The following MMP26 variants were observed in gnomAD, a reference collection of about 807,000 sequenced individuals.
MMP26 encodes matrix metallopeptidase 26.
MMP26 carries 33 observed loss-of-function variants against 31.0 expected under a neutral mutation model. The ratio of observed to expected loss-of-function variants is 1.06; its 90% CI spans 0.81 to 1.42. MMP26 has a LOEUF of 1.42. Among genes scored for constraint, MMP26 ranks in the 40% most tolerant of loss-of-function variants. The probability of loss-of-function intolerance (pLI) is 0.00; values close to 1 mark genes in which losing one functional copy is unlikely to be tolerated. For synonymous variants in MMP26, 122 were observed against 114.9 expected, an observed-to-expected ratio of 1.06 and a Z score of -0.40; for missense variants, 347 against 316.1, an observed-to-expected ratio of 1.10 and a Z score of -0.74.
intron 2 of MMP26, among the ~76,000 whole-genome samples, chr11:4,843,872 T>C (rs1310534118): frequency 6.6e-6 from 1 of 152,190 alleles, no homozygotes; most frequent in African/African-American, 2.4e-5. Flanking sequence ...AAGCTCTTTG[T>C]TCATGCATAT....
intron 2 of MMP26, chr11:4,907,948 G>A: frequency 6.2e-7 from 1 of 1,614,106 alleles, no homozygotes; most frequent in Non-Finnish European, 8.5e-7. Flanking sequence ...CTGACAACAA[G>A]ACCAATGTCA....
intron 2 of MMP26, among the ~76,000 whole-genome samples, chr11:4,935,872 A>G (rs1362498397): frequency 3.3e-5 from 5 of 149,982 alleles, no homozygotes; most frequent in Non-Finnish European, 7.4e-5. Flanking sequence ...TATATGCTGG[A>G]TTACATTTAT....
At chr11:4,851,246 A>AAACC (rs1849971619) in intron 2 of MMP26, among the ~76,000 whole-genome samples, 1 of 152,296 alleles carries the variant, frequency 6.6e-6, no homozygotes, top group Admixed American at 6.5e-5. Context: ...TCAGATAAGG[A>AAACC]AACCCCACAG....
At chr11:4,903,651 C>T (rs1233044829) in intron 2 of MMP26, 1 of 152,060 alleles carries the variant, frequency 6.6e-6, no homozygotes, top group African/African-American at 2.4e-5. Flanking sequence ...GTACCAGCCC[C>T]AGGCCTAACC....
chr11:4,823,597 C>T (rs1849540835), intron 2 of MMP26, among the ~76,000 whole-genome samples: 1 of 152,092 alleles, frequency 6.6e-6, no homozygotes, highest in African/African-American at 2.4e-5. Flanking sequence ...ACGAAATCCC[C>T]CATGAGGCCA....
intron 2 of MMP26, among the ~76,000 whole-genome samples, chr11:4,873,046 T>C (rs1850331826): frequency 6.6e-6 from 1 of 152,090 alleles, no homozygotes; most frequent in Admixed American, 6.6e-5. Flanking sequence ...ATGCTTCTTT[T>C]TGTCCTCTGA....
At chr11:4,830,972 G>T (rs952704584) in intron 2 of MMP26, among the ~76,000 whole-genome samples, 1 of 152,188 alleles carries the variant, frequency 6.6e-6, no homozygotes, top group Non-Finnish European at 1.5e-5. Context: ...TGGCATCTAT[G>T]TTATGGGATG....
intron 1 of MMP26, among the ~76,000 whole-genome samples, chr11:4,741,723 T>C (rs79630765): frequency 0.014 from 2,124 of 152,190 alleles, 48 homozygotes; most frequent in African/African-American, 0.049. Context: ...CACGTATTCC[T>C]ATGTGACAAA....
At chr11:4,835,419 AT>A (rs34383180) in intron 2 of MMP26, among the ~76,000 whole-genome samples, 33,743 of 151,682 alleles carry the variant, frequency 0.22, 4,574 homozygotes, top group African/African-American at 0.37. Context: ...CTGTTAAGAA[AT>A]TTTTTTTTCC....
At chr11:4,958,581 C>T (rs543756481) in intron 2 of MMP26, among the ~76,000 whole-genome samples, 1 of 152,254 alleles carries the variant, frequency 6.6e-6, no homozygotes, top group Admixed American at 6.5e-5. Flanking sequence ...TCTTCTCTAT[C>T]ATCTATCATT....
At chr11:4,879,378 C>A (rs1014088223) in intron 2 of MMP26, among the ~76,000 whole-genome samples, 2 of 151,916 alleles carry the variant, frequency 1.3e-5, no homozygotes, top group Non-Finnish European at 1.5e-5. Flanking sequence ...TCTATGAAAT[C>A]GACAGATTAA....
intron 2 of MMP26, among the ~76,000 whole-genome samples, chr11:4,772,147 C>G (rs888804628): frequency 2.0e-5 from 3 of 152,178 alleles, no homozygotes; most frequent in Non-Finnish European, 4.4e-5. Flanking sequence ...CTCTCCCTAT[C>G]TATAAAAATT....
At chr11:4,818,199 T>TCTTC (rs35345773) in intron 2 of MMP26, among the ~76,000 whole-genome samples, 15,097 of 152,230 alleles carry the variant, frequency 0.099, 911 homozygotes, top group Middle Eastern at 0.17. Context: ...GGAAATAGTC[T>TCTTC]CTTTTCTTTA....
chr11:4,831,920 T>G (rs1849651739), intron 2 of MMP26, among the ~76,000 whole-genome samples: 1 of 152,230 alleles, frequency 6.6e-6, no homozygotes, highest in African/African-American at 2.4e-5. Flanking sequence ...AGGTTTTAAA[T>G]GAATCCTGTG....
At chr11:4,746,617 C>T (rs1004505048) in intron 1 of MMP26, among the ~76,000 whole-genome samples, 6 of 151,986 alleles carry the variant, frequency 3.9e-5, no homozygotes, top group Non-Finnish European at 8.8e-5. Flanking sequence ...GGGTGGATCA[C>T]GAGGTCAGGA....
intron 2 of MMP26, among the ~76,000 whole-genome samples, chr11:4,935,788 A>T (rs994637656): frequency 6.7e-6 from 1 of 148,736 alleles, no homozygotes; most frequent in East Asian, 1.9e-4. Flanking sequence ...TAGCATGAAG[A>T]GTTGTTGAAT....
In MMP26 at chr11:4,990,682, C is replaced by G. The variant is rs1445897713; in HGVS notation, c.405C>G (p.Thr135=). The part of the protein sequence containing the change: ...YNAVSIWSNV[T]PLIFQQVQNG... Reference sequence around the variant, plus strand: ...CAGTTTCCATCTGGAGCAATGTGACCCCTTTGATATTCCAGCAAGTGCAGA... The same window carrying G: ...CAGTTTCCATCTGGAGCAATGTGACGCCTTTGATATTCCAGCAAGTGCAGA... The change falls in exon 5 of 8, where the codon ACC becomes ACG. Residue 135 remains threonine, a synonymous_variant. Coordinates refer to ENST00000380390, the MANE Select transcript of MMP26 (RefSeq NM_021801.5). 3 of 1,613,888 alleles carry G rather than the reference C, an allele frequency of 1.9e-6. No individual in the cohort carries two copies. Among genetic ancestry groups the G allele is most frequent in the Non-Finnish European group, 2.5e-6 (3 of 1,179,988 alleles).
At chr11:4,887,150 C>T (rs1850556385) in intron 2 of MMP26, among the ~76,000 whole-genome samples, 1 of 151,690 alleles carries the variant, frequency 6.6e-6, no homozygotes, top group Non-Finnish European at 1.5e-5. Context: ...TTTTTGTTCT[C>T]ATTGATTTGT....
intron 2 of MMP26, among the ~76,000 whole-genome samples, chr11:4,834,718 G>C (rs2133483484): frequency 6.6e-6 from 1 of 152,106 alleles, no homozygotes; most frequent in East Asian, 1.9e-4. Flanking sequence ...GTGTGGTATT[G>C]AGAAAATTAC....
Sources: allele counts gnomAD v4.1 joint callset (sites outside exome capture counted in the v4.1 genomes callset), GRCh38; gene constraint gnomAD v4.1.1; transcripts MANE v1.5; gene names NCBI Gene and HGNC (gene_info 2026-07-23, HGNC 2026-07-21).